The following PHACTR3 variants were observed in gnomAD, a reference collection of about 807,000 sequenced individuals.
The protein encoded by PHACTR3 is protein phosphatase 1, regulatory subunit 123.
PHACTR3 carries 16 observed loss-of-function variants against 66.8 expected under a neutral mutation model. The ratio of observed to expected loss-of-function variants is 0.24; its 90% CI spans 0.16 to 0.36. The LOEUF is 0.36. Ranked by LOEUF, PHACTR3 falls within the 10% of genes least tolerant of loss-of-function variation. PHACTR3 has a pLI of 1.00. For synonymous variants in PHACTR3, 323 were observed against 292.1 expected, an observed-to-expected ratio of 1.11 and a Z score of -1.08; for missense variants, 647 against 719.9, an observed-to-expected ratio of 0.90 and a Z score of 1.16.
intron 1 of PHACTR3, among the ~76,000 whole-genome samples, chr20:59,641,878 C>A (rs989245104): frequency 6.6e-6 from 1 of 152,210 alleles, no homozygotes; most frequent in Admixed American, 6.6e-5. Context: ...ACCCTAGTCT[C>A]ATTTTATTAA....
chr20:59,647,986 T>C (rs373837788), intron 1 of PHACTR3, among the ~76,000 whole-genome samples: 4 of 152,352 alleles, frequency 2.6e-5, no homozygotes, highest in South Asian at 2.1e-4. Context: ...AATGGATAGA[T>C]GTTATAGGCT....
chr20:59,578,985 T>C (rs6128631), intron 1 of PHACTR3, among the ~76,000 whole-genome samples: 77,196 of 152,002 alleles, frequency 0.51, 23,152 homozygotes, highest in African/African-American at 0.8. Context: ...TCTAGGGTGC[T>C]CCCCTCTAAT....
At chr20:59,805,159 C>T (rs559053962) in intron 7 of PHACTR3, among the ~76,000 whole-genome samples, 20 of 152,300 alleles carry the variant, frequency 1.3e-4, no homozygotes, top group Admixed American at 1.1e-3. Flanking sequence ...ACTCTGCCTG[C>T]GAAAGAGCTA....
At chr20:59,835,221 G>A (rs1407582569) in intron 8 of PHACTR3, among the ~76,000 whole-genome samples, 2 of 152,172 alleles carry the variant, frequency 1.3e-5, no homozygotes. Flanking sequence ...ACACTTAAGT[G>A]AGCTAGGCTT....
chr20:59,843,094 G>GA (rs1222852995), intron 11 of PHACTR3, among the ~76,000 whole-genome samples: 4 of 151,826 alleles, frequency 2.6e-5, no homozygotes, highest in African/African-American at 9.7e-5. Context: ...AGCTAAGAAA[G>GA]AAATCAAGAA....
At position 59,702,788 on chromosome 20, in the gene PHACTR3, G is replaced by A. The variant is rs140937876; in HGVS notation, c.119-40319G>A. 5.5e-3 allele frequency among the ~76,000 whole-genome samples: 837 copies of A among 152,336 alleles called. 2 individuals carry two copies. Among genetic ancestry groups the A allele is most frequent in the Middle Eastern group, 0.027 (8 of 294 alleles). ...CCATCTACACATATTGTATTCATCCGTGAAAAGAGAGAAGAAACCAGGAAA... is the reference window on the plus strand; with the variant it reads ...CCATCTACACATATTGTATTCATCCATGAAAAGAGAGAAGAAACCAGGAAA... On this transcript the variant is annotated intron_variant, in intron 1 of 12. Transcript: ENST00000371015.
Position 59,832,026 on chromosome 20 carries a change from C to CCT in PHACTR3, c.1329-4476_1329-4475dup, listed in dbSNP as rs1411682557. ...CAGGGGTGGTGGCCTGTGATGCATG[C>CCT]CTCTGCCTGGGCCTGACTCTCTGTG... On this transcript the variant is annotated intron_variant, in intron 8 of 12. Coordinates refer to ENST00000371015, the MANE Select transcript of PHACTR3 (RefSeq NM_080672.5). Among the ~76,000 whole-genome samples the CCT allele has an allele frequency of 2.0e-5, 3 of 152,196 alleles. No homozygotes were observed. The South Asian group carries it at 6.2e-4, about 32-fold the overall frequency.
At chr20:59,803,869 T>C (rs150326775) in intron 7 of PHACTR3, among the ~76,000 whole-genome samples, 48 of 152,328 alleles carry the variant, frequency 3.2e-4, no homozygotes, top group African/African-American at 1.2e-3. Flanking sequence ...GATGAGAAAG[T>C]AAGCGTGTTT....
chr20:59,794,743 A>G (rs921323874), intron 7 of PHACTR3, among the ~76,000 whole-genome samples: 7 of 152,088 alleles, frequency 4.6e-5, no homozygotes, highest in South Asian at 2.1e-4. Flanking sequence ...CTGATTTTCT[A>G]TTTCTTCATA....
chr20:59,783,566 T>C (rs1352009044), intron 7 of PHACTR3, among the ~76,000 whole-genome samples: 3 of 152,214 alleles, frequency 2.0e-5, no homozygotes, highest in African/African-American at 7.2e-5. Context: ...TTTTTTTGTT[T>C]GTTTGTTTGT....
At chr20:59,709,469 T>C (rs1341959427) in intron 1 of PHACTR3, among the ~76,000 whole-genome samples, 1 of 152,262 alleles carries the variant, frequency 6.6e-6, no homozygotes, top group Non-Finnish European at 1.5e-5. Flanking sequence ...TCATTGGTTC[T>C]AAGAAGCCAG....
rs751138480 is a variant in PHACTR3 at position 59,738,165 on chromosome 20, G to A, written c.119-4942G>A. ...ACACCATACCCCCCAGCAAGGCCCT[G>A]GCAAAGGGGATGCAGGGAGTCAATG... On this transcript the variant is annotated intron_variant, in intron 1 of 12. Transcript: ENST00000371015. The surrounding 1 kb of genome is among the most constrained non-coding windows in gnomAD (Gnocchi z 4.4). 1.2e-4 allele frequency among the ~76,000 whole-genome samples: 19 copies of A among 152,084 alleles called. No homozygotes were observed. The highest frequency in any genetic ancestry group is 2.0e-4 in the Admixed American group (3 of 15,278).
Position 59,667,706 on chromosome 20 carries a change from C to T in PHACTR3, c.118+62574C>T, listed in dbSNP as rs887754217. On this transcript the variant is annotated intron_variant, in intron 1 of 12. Transcript: ENST00000371015. The stretch of plus-strand genomic sequence containing the variant: ...CTGGGGCTTAGGTTTTAGACCAGAG[C>T]GGGTGGAAATACAGAGGTGGCTCCA... Among the ~76,000 whole-genome samples the T allele has an allele frequency of 4.6e-5, 7 of 152,300 alleles. No individual in the cohort carries two copies. The South Asian group carries it at 1.0e-3, about 23-fold the overall frequency.
Position 59,645,189 on chromosome 20 carries a change from A to G in PHACTR3, c.118+40057A>G, listed in dbSNP as rs138409995. Among the ~76,000 whole-genome samples, 676 of 145,224 alleles carry G rather than the reference A, an allele frequency of 4.7e-3. 9 individuals are homozygous for G. The highest frequency in any genetic ancestry group is 0.016 in the African/African-American group (640 of 39,354). On this transcript the variant is annotated intron_variant, in intron 1 of 12. Coordinates refer to ENST00000371015, the MANE Select transcript of PHACTR3 (RefSeq NM_080672.5). ...AGCTGCATCCATGTTGCTGCAAAGG[A>G]TATGATTTTGTTCTTTTTTATGTTA...
rs529203479 is a variant in PHACTR3, at chr20:59,802,849, A to G, written c.1175-3192A>G. Among the ~76,000 whole-genome samples the G allele has an allele frequency of 2.0e-5, 3 of 152,348 alleles. No homozygotes were observed. In the East Asian group the frequency reaches 5.8e-4, roughly 29 times the overall value. The stretch of plus-strand genomic sequence containing the variant: ...TTTAGTTTAATTTCTTGCACAATGC[A>G]TGGATGTTTATTGAGTTTTGCCAAT... On this transcript the variant is annotated intron_variant, in intron 7 of 12. Transcript: ENST00000371015.
At chr20:59,835,131 A>C (rs980891696) in intron 8 of PHACTR3, among the ~76,000 whole-genome samples, 1 of 152,218 alleles carries the variant, frequency 6.6e-6, no homozygotes, top group Non-Finnish European at 1.5e-5. Flanking sequence ...AGTGCCTGGC[A>C]CATAGCAAAT....
chr20:59,718,639 G>A (rs900989470), intron 1 of PHACTR3, among the ~76,000 whole-genome samples: 8 of 152,042 alleles, frequency 5.3e-5, no homozygotes, highest in African/African-American at 1.7e-4. Context: ...AATGAGATCT[G>A]GTTTTGACTT....
In PHACTR3 at chr20:59,634,092, A is replaced by G. The variant is rs1458590882; in HGVS notation, c.118+28960A>G. Among the ~76,000 whole-genome samples, 4 of 152,236 alleles carry G rather than the reference A, an allele frequency of 2.6e-5. No homozygotes were observed. In the East Asian group the frequency reaches 7.7e-4, roughly 29 times the overall value. Reference sequence around the variant, plus strand: ...GTTCAGCGCCCAGCTTTCGGTCTTCACCTTATTGCCTGGGAGATAGATATA... The same window carrying G: ...GTTCAGCGCCCAGCTTTCGGTCTTCGCCTTATTGCCTGGGAGATAGATATA... On this transcript the variant is annotated intron_variant, in intron 1 of 12. Transcript: ENST00000371015.
At chr20:59,673,621 C>T (rs775624733) in intron 1 of PHACTR3, among the ~76,000 whole-genome samples, 36 of 152,100 alleles carry the variant, frequency 2.4e-4, no homozygotes, top group Non-Finnish European at 3.7e-4. Flanking sequence ...GGATGGTGAC[C>T]CTGGGGACCC....
Sources: gnomAD v4.1 joint callset for allele counts (sites outside exome capture counted in the v4.1 genomes callset) on GRCh38, gnomAD v4.1.1 for gene constraint, Gnocchi (gnomAD v3.1) non-coding constraint, MANE v1.5 for transcripts, NCBI Gene and HGNC (gene_info 2026-07-23, HGNC 2026-07-21) for gene names.